Variants in SRRM4 observed in about 807,000 individuals in gnomAD.
SRRM4 encodes serine/arginine repetitive matrix 4.
In SRRM4, 33 loss-of-function variants were observed where a neutral mutation model predicts 68.9. The ratio of observed to expected loss-of-function variants is 0.48; its 90% CI spans 0.36 to 0.64. The LOEUF (loss-of-function observed/expected upper bound fraction) is 0.64. Ranked by LOEUF, SRRM4 falls within the 30% of genes least tolerant of loss-of-function variation. SRRM4 has a pLI of 0.00. For synonymous variants in SRRM4, 318 were observed against 318.8 expected, an observed-to-expected ratio of 1.00 and a Z score of 0.03; for missense variants, 817 against 827.1, an observed-to-expected ratio of 0.99 and a Z score of 0.15.
intron 7 of SRRM4, among the ~76,000 whole-genome samples, chr12:119,129,584 T>C (rs6490238): frequency 0.21 from 31,821 of 152,190 alleles, 3,999 homozygotes; most frequent in South Asian, 0.37. Context: ...GACATACACA[T>C]AGTCACATGA....
intron 1 of SRRM4, among the ~76,000 whole-genome samples, chr12:118,984,419 A>G (rs531293075): frequency 1.3e-5 from 2 of 152,268 alleles, no homozygotes; most frequent in African/African-American, 4.8e-5. Flanking sequence ...GTTTAGTTCC[A>G]TGAGTCAAGC....
At chr12:119,103,277 G>A in intron 2 of SRRM4, among the ~76,000 whole-genome samples, 1 of 151,694 alleles carries the variant, frequency 6.6e-6, no homozygotes. Context: ...TTTTATTTTA[G>A]GTTTGGGGCT....
chr12:119,013,076 ACAT>A, intron 1 of SRRM4, among the ~76,000 whole-genome samples: 1 of 152,198 alleles, frequency 6.6e-6, no homozygotes, highest in Non-Finnish European at 1.5e-5. Context: ...CAGTGGGGAA[ACAT>A]CATTATTGTT....
intron 1 of SRRM4, among the ~76,000 whole-genome samples, chr12:119,071,072 C>T (rs1183551817): frequency 2.0e-5 from 3 of 152,194 alleles, no homozygotes; most frequent in Non-Finnish European, 4.4e-5. Flanking sequence ...GGCCATATTA[C>T]ACTGTGATAT....
chr12:119,122,817 G>A lies in SRRM4; in HGVS notation c.515+697G>A, dbSNP rs551401872. On this transcript the variant is annotated intron_variant, in intron 6 of 12. Coordinates refer to ENST00000267260, the MANE Select transcript of SRRM4 (RefSeq NM_194286.4). Reference sequence around the variant, plus strand: ...TGGTCATGGGGGTGTGAGCACATGGGTGCACGTGTGTGAGCATGTGTATGA... The same window carrying A: ...TGGTCATGGGGGTGTGAGCACATGGATGCACGTGTGTGAGCATGTGTATGA... Among the ~76,000 whole-genome samples the A allele has an allele frequency of 3.3e-5, 5 of 152,314 alleles. 1 individual carries two copies. In the South Asian group the frequency reaches 6.2e-4, roughly 19 times the overall value.
chr12:118,987,600 C>T (rs1350320281), intron 1 of SRRM4, among the ~76,000 whole-genome samples: 4 of 152,168 alleles, frequency 2.6e-5, no homozygotes, highest in African/African-American at 9.7e-5. Context: ...GCTTGACCTT[C>T]TCAATCTCAG....
At chr12:119,112,450 T>C (rs144949964) in intron 2 of SRRM4, among the ~76,000 whole-genome samples, 55 of 152,320 alleles carry the variant, frequency 3.6e-4, no homozygotes, top group Non-Finnish European at 6.3e-4. Context: ...ACTGGGTATA[T>C]ACCCAAAGGA....
chr12:119,062,120 A>C (rs1953816410), intron 1 of SRRM4, among the ~76,000 whole-genome samples: 2 of 152,332 alleles, frequency 1.3e-5, no homozygotes, highest in South Asian at 4.1e-4. Flanking sequence ...ACTATACTGA[A>C]TTCTGTAGGC....
At chr12:119,084,232 C>A (rs1448408271) in intron 1 of SRRM4, among the ~76,000 whole-genome samples, 1 of 152,122 alleles carries the variant, frequency 6.6e-6, no homozygotes, top group Non-Finnish European at 1.5e-5. Context: ...GGGAAGAGAG[C>A]AGGGGAAGAG....
intron 1 of SRRM4, among the ~76,000 whole-genome samples, chr12:119,006,333 G>A (rs967426292): frequency 2.5e-5 from 3 of 121,510 alleles, no homozygotes; most frequent in Admixed American, 8.1e-5. Flanking sequence ...ACTAGGGAGC[G>A]ACTACTCCTT....
intron 8 of SRRM4, among the ~76,000 whole-genome samples, chr12:119,135,908 A>G (rs1954324905): frequency 6.6e-6 from 1 of 152,196 alleles, no homozygotes; most frequent in African/African-American, 2.4e-5. Context: ...TTGGGCTAAT[A>G]ATAATCATAC....
intron 2 of SRRM4, 88 bp from the exon 3 acceptor site, chr12:119,114,189 GA>G: frequency 9.0e-7 from 1 of 1,107,528 alleles, no homozygotes; most frequent in African/African-American, 1.6e-5. Context: ...ATCATCCAAG[GA>G]CCTGGGTCCT....
At chr12:119,149,370 G>A (rs890835872) in intron 9 of SRRM4, among the ~76,000 whole-genome samples, 5 of 152,260 alleles carry the variant, frequency 3.3e-5, no homozygotes, top group African/African-American at 1.2e-4. Context: ...AATGATGTCG[G>A]CTTCAGAAGG....
intron 1 of SRRM4, among the ~76,000 whole-genome samples, chr12:119,045,486 T>TCC (rs1186917394): frequency 1.4e-4 from 3 of 21,380 alleles, no homozygotes; most frequent in African/African-American, 4.8e-4. Context: ...ACTCCCCCGC[T>TCC]CCCCCCCGCC....
intron 4 of SRRM4, 59 bp downstream of exon 4, chr12:119,117,067 A>G: frequency 7.0e-7 from 1 of 1,428,532 alleles, no homozygotes. Context: ...AGGACAGTTG[A>G]TGGCACTAAA....
chr12:119,056,402 T>C (rs1410148446), intron 1 of SRRM4, among the ~76,000 whole-genome samples: 1 of 152,172 alleles, frequency 6.6e-6, no homozygotes, highest in East Asian at 1.9e-4. Context: ...AACCAAAAGA[T>C]TAGTGACAGG....
intron 1 of SRRM4, among the ~76,000 whole-genome samples, chr12:119,039,257 G>A (rs956086017): frequency 4.6e-5 from 7 of 152,244 alleles, no homozygotes; most frequent in East Asian, 1.9e-4. Context: ...GACACACTGC[G>A]CGGCACACCA....
intron 9 of SRRM4, among the ~76,000 whole-genome samples, chr12:119,148,859 A>C (rs975433816): frequency 6.6e-6 from 1 of 152,186 alleles, no homozygotes; most frequent in Admixed American, 6.5e-5. Flanking sequence ...TTATGAGCAG[A>C]GAGGGCTCAA....
At chr12:119,039,390 A>G (rs1953651005) in intron 1 of SRRM4, among the ~76,000 whole-genome samples, 1 of 152,106 alleles carries the variant, frequency 6.6e-6, no homozygotes, top group Admixed American at 6.5e-5. Flanking sequence ...GACATCAACT[A>G]TTTTCTTCTC....
Sources: allele counts gnomAD v4.1 joint callset (sites outside exome capture counted in the v4.1 genomes callset), GRCh38; gene constraint gnomAD v4.1.1; transcripts MANE v1.5; gene names NCBI Gene and HGNC (gene_info 2026-07-23, HGNC 2026-07-21).